Variants in TTC4 observed in about 807,000 individuals in gnomAD.
TTC4 encodes the protein hsp70/Hsp90 co-chaperone CNS1 homolog.
A neutral mutation model predicts 51.9 loss-of-function variants in TTC4; 36 were observed. The ratio of observed to expected loss-of-function variants is 0.69; its 90% CI spans 0.53 to 0.92. TTC4 has a LOEUF of 0.92. TTC4 is among the 40% of genes least tolerant of loss of function. TTC4 has a pLI of 0.00. For missense variants in TTC4, 399 were observed against 454.6 expected (o/e 0.88, Z 1.11); for synonymous variants, 144 against 164.2 (o/e 0.88, Z 0.94).
chr1:54,721,371 T>G lies in TTC4; in HGVS notation c.469+131T>G. On this transcript the variant is annotated intron_variant, in intron 4 of 9. Coordinates refer to ENST00000371281, the MANE Select transcript of TTC4 (RefSeq NM_004623.5). ...TCCTTATCAACAGCAACATGCCACT[T>G]TTAAAAGAATTCCTCAGAGAGTGAC... is the stretch of plus-strand genomic sequence containing the variant. 4.4e-6 allele frequency: 3 copies of G among 688,918 alleles called. No individual in the cohort carries two copies. The East Asian group carries it at 8.5e-5, about 20-fold the overall frequency. 42.7% of individuals were successfully genotyped at this position (688,918 alleles called of 1,614,324 possible).
rs753789429 is a variant in TTC4 at position 54,717,545 on chromosome 1, T to C, written c.283T>C (p.Tyr95His). 6.2e-7 allele frequency: 1 copy of C among 1,610,706 alleles called. No individual in the cohort carries two copies. The highest frequency in any genetic ancestry group is 2.2e-5 in the East Asian group (1 of 44,824). The change falls in exon 3 of 10, where the codon TAC becomes CAC. Residue 95 changes from tyrosine to histidine, a missense_variant. Around this residue, in one of 3 missense-constraint regions of TTC4, gnomAD observed 316 missense variants for 349.6 expected, o/e 0.90. Transcript: ENST00000371281. ...EGNDYFKEKD[Y>H]KKAVISYTEG... ...CAATGATTACTTTAAAGAAAAAGACTACAAGAAAGCTGTAATTTCATACAC... is the reference window on the plus strand; with the variant it reads ...CAATGATTACTTTAAAGAAAAAGACCACAAGAAAGCTGTAATTTCATACAC...
chr1:54,737,406 C>T (rs1009489990), intron 8 of TTC4, 176 bp from the exon 9 acceptor site: 2 of 574,108 alleles, frequency 3.5e-6, no homozygotes, highest in African/African-American at 1.9e-5. Flanking sequence ...ATAATAGCCT[C>T]TTTTACAGTG....
rs1401297681 is a variant in TTC4, at chr1:54,733,273, A to G, written c.897-356A>G. 1.3e-5 allele frequency among the ~76,000 whole-genome samples: 2 copies of G among 151,882 alleles called. 1 individual carries two copies. The highest frequency in any genetic ancestry group is 4.2e-4 in the South Asian group (2 of 4,818). Reference sequence around the variant, plus strand: ...TCTCTACAAAAAAAAGAAAAAAATTAGCCAGGCATGGTGGCATGTGCCTGT... The same window carrying G: ...TCTCTACAAAAAAAAGAAAAAAATTGGCCAGGCATGGTGGCATGTGCCTGT... On this transcript the variant is annotated intron_variant, in intron 7 of 9. Transcript: ENST00000371281.
chr1:54,717,848 A>G (rs1051288298), intron 3 of TTC4, 195 bp downstream of exon 3: 4 of 464,468 alleles, frequency 8.6e-6, no homozygotes, highest in African/African-American at 8.0e-5. Context: ...TGTAATTCTT[A>G]CTGTCTCAAC....
At position 54,741,660 on chromosome 1, in the gene TTC4, G is replaced by A. The variant is rs956524654; in HGVS notation, c.*147G>A. Reference sequence around the variant, plus strand: ...TTCCTGGCATCGTGGTGGGGGAGGAGCCTCTGGCTTCCCTAAACTGCAGCC... The same window carrying A: ...TTCCTGGCATCGTGGTGGGGGAGGAACCTCTGGCTTCCCTAAACTGCAGCC... On this transcript the variant is annotated 3_prime_UTR_variant, in exon 10 of 10. Coordinates refer to ENST00000371281, the MANE Select transcript of TTC4 (RefSeq NM_004623.5). The A allele has an allele frequency of 2.7e-5, 18 of 674,164 alleles. 1 individual carries two copies. Among genetic ancestry groups the A allele is most frequent in the Non-Finnish European group, 4.6e-5 (18 of 393,754 alleles). The allele number at this position is 674,164 out of a possible 1,614,324, so 41.8% of individuals were successfully genotyped here.
At chr1:54,740,419 C>CT (rs1194520052) in intron 9 of TTC4, among the ~76,000 whole-genome samples, 2 of 152,246 alleles carry the variant, frequency 1.3e-5, no homozygotes, top group East Asian at 3.9e-4. Flanking sequence ...TCCCAAATCT[C>CT]TCTTCTTCTA....
At chr1:54,734,092 G>A (rs946840380) in intron 8 of TTC4, among the ~76,000 whole-genome samples, 4 of 151,980 alleles carry the variant, frequency 2.6e-5, no homozygotes, top group African/African-American at 9.7e-5. Flanking sequence ...AAATTTTTGA[G>A]ACGGAGTCTC....
At chr1:54,740,364 G>T (rs567316904) in intron 9 of TTC4, among the ~76,000 whole-genome samples, 8 of 152,080 alleles carry the variant, frequency 5.3e-5, no homozygotes, top group Admixed American at 2.0e-4. Flanking sequence ...GGAAGGAAAG[G>T]TTTTTCCAGA....
Position 54,741,583 on chromosome 1 carries a change from GGACA to G in TTC4, c.*71_*74del. ...GGAACCTAGCACACCTGAATCAGCTGGACATACTGCTGGAGTCCAGTGCTTTCTT... is the reference window on the plus strand; with the variant it reads ...GGAACCTAGCACACCTGAATCAGCTGTACTGCTGGAGTCCAGTGCTTTCTT... On this transcript the variant is annotated 3_prime_UTR_variant, in exon 10 of 10. Transcript: ENST00000371281. 2 of 1,275,696 alleles carry G rather than the reference GGACA, an allele frequency of 1.6e-6. No homozygotes were observed. The highest frequency in any genetic ancestry group is 1.1e-6 in the Non-Finnish European group (1 of 875,110). The allele number at this position is 1,275,696 out of a possible 1,614,324, so 79.0% of individuals were successfully genotyped here. A position where few individuals can be genotyped will look rare whatever the true frequency, so the allele number is the denominator to read the frequency against.
intron 8 of TTC4, among the ~76,000 whole-genome samples, chr1:54,736,334 T>C (rs1418824229): frequency 6.6e-6 from 1 of 151,974 alleles, no homozygotes; most frequent in Non-Finnish European, 1.5e-5. Context: ...TTTCTCCCTT[T>C]CTATATTTGT....
rs1169566064 is a variant in TTC4 at position 54,716,657 on chromosome 1, G to A, written c.169G>A (p.Glu57Lys). Residue 57 changes from glutamate to lysine, a missense_variant, in exon 2 of 10, where the codon GAG (glutamate) becomes AAG (lysine). By Grantham distance (56) the Glu-to-Lys change is moderately conservative (BLOSUM62 1). Transcript: ENST00000371281. ...AGCGCCATCAGAAATTGATCCCAGG[G>A]AGAATCCTGACTTGGCTTGTCTCCA... Reference protein sequence around the residue: ...SRAPSEIDPRENPDLACLQSI... With the variant: ...SRAPSEIDPRKNPDLACLQSI... 69 of 1,613,614 alleles carry A rather than the reference G, an allele frequency of 4.3e-5. No individual in the cohort carries two copies. Among genetic ancestry groups the A allele is most frequent in the Non-Finnish European group, 5.6e-5 (66 of 1,179,990 alleles).
At position 54,727,942 on chromosome 1, in the gene TTC4, C is replaced by T. The variant is rs548798033; in HGVS notation, c.595-404C>T. On this transcript the variant is annotated intron_variant, in intron 5 of 9. Coordinates refer to ENST00000371281, the MANE Select transcript of TTC4 (RefSeq NM_004623.5). ...TGCAAATCAAAACCATAGTAAGATA[C>T]CATTGCATACCCACTAGGGTGGTTA... Among the ~76,000 whole-genome samples, 3 of 152,244 alleles carry T rather than the reference C, an allele frequency of 2.0e-5. No homozygotes were observed. In the South Asian group the frequency reaches 6.2e-4, roughly 32 times the overall value.
In TTC4 at chr1:54,721,188, T is replaced by C. The variant is rs1191141899; in HGVS notation, c.417T>C (p.Asp139=). The C allele has an allele frequency of 1.9e-6, 3 of 1,613,560 alleles. No homozygotes were observed. Among genetic ancestry groups the C allele is most frequent in the East Asian group, 2.2e-5 (1 of 44,844 alleles). Residue 139 remains aspartate (D), a synonymous_variant, in exon 4 of 10, where the codon GAT becomes GAC. Coordinates refer to ENST00000371281, the MANE Select transcript of TTC4 (RefSeq NM_004623.5). Reference sequence around the variant, plus strand: ...GCAATTTTCGTTCTGCTCTCAATGATGTGACAGCTGCCAGAAAGCTAAAAC... The same window carrying C: ...GCAATTTTCGTTCTGCTCTCAATGACGTGACAGCTGCCAGAAAGCTAAAAC... ...YLGNFRSALN[D]VTAARKLKPC... is the part of the protein sequence containing the mutation.
In TTC4 at chr1:54,741,600, C is replaced by T. The variant is rs1357624749; in HGVS notation, c.*87C>T. The stretch of plus-strand genomic sequence containing the variant: ...AATCAGCTGGACATACTGCTGGAGT[C>T]CAGTGCTTTCTTTCCGTCACCCTGG... On this transcript the variant is annotated 3_prime_UTR_variant, in exon 10 of 10. Coordinates refer to ENST00000371281, the MANE Select transcript of TTC4 (RefSeq NM_004623.5). The T allele has an allele frequency of 1.8e-6, 2 of 1,120,120 alleles. No homozygotes were observed. Among genetic ancestry groups the T allele is most frequent in the Non-Finnish European group, 2.7e-6 (2 of 742,524 alleles). The allele number at this position is 1,120,120 out of a possible 1,614,324, so 69.4% of individuals were successfully genotyped here.
intron 3 of TTC4, among the ~76,000 whole-genome samples, chr1:54,719,399 T>C (rs1645716653): frequency 6.7e-6 from 1 of 148,938 alleles, no homozygotes; most frequent in Non-Finnish European, 1.5e-5. Flanking sequence ...CAGTTACTTG[T>C]TCCTTTGTTT....
intron 3 of TTC4, 39 bp from the exon 4 acceptor site, chr1:54,721,124 C>T: frequency 6.2e-7 from 1 of 1,601,924 alleles, no homozygotes; most frequent in Non-Finnish European, 8.5e-7. Context: ...ACATTTTGAT[C>T]TCAAAACTTC....
At chr1:54,719,567 G>C (rs1024412077) in intron 3 of TTC4, among the ~76,000 whole-genome samples, 8 of 142,232 alleles carry the variant, frequency 5.6e-5, no homozygotes, top group Non-Finnish European at 1.1e-4. Context: ...TTGAGATCCT[G>C]CTGTTCTTCC....
chr1:54,735,439 T>C (rs183356583), intron 8 of TTC4, among the ~76,000 whole-genome samples: 87 of 152,324 alleles, frequency 5.7e-4, no homozygotes, highest in African/African-American at 2.0e-3. Context: ...CAGGCTGGTC[T>C]CAAACTCCTG....
At chr1:54,726,920 G>A (rs1414639063) in intron 5 of TTC4, among the ~76,000 whole-genome samples, 2 of 152,200 alleles carry the variant, frequency 1.3e-5, no homozygotes, top group Non-Finnish European at 2.9e-5. Flanking sequence ...CTATAGGCAT[G>A]TGATGCCACA....
Sources: allele counts gnomAD v4.1 joint callset (sites outside exome capture counted in the v4.1 genomes callset), GRCh38; gene constraint gnomAD v4.1.1; regional missense constraint gnomAD v4.1.1; transcripts MANE v1.5; gene names NCBI Gene and HGNC (gene_info 2026-07-23, HGNC 2026-07-21).